Variants in EPB41L4A observed in about 807,000 individuals in gnomAD.
EPB41L4A encodes erythrocyte membrane protein band 4.1 like 4A, also known as band 4.1-like protein 4A.
A neutral mutation model predicts 108.6 loss-of-function variants in EPB41L4A; 100 were observed. The observed-to-expected ratio is 0.92, with a 90% CI of 0.78 to 1.09. EPB41L4A has a LOEUF of 1.09. Among genes scored for constraint, EPB41L4A ranks in the 50% least tolerant of loss-of-function variants. The probability of loss-of-function intolerance (pLI) is 0.00; values close to 1 mark genes in which losing one functional copy is unlikely to be tolerated. For missense variants in EPB41L4A, 1,030 were observed against 842.7 expected, an observed-to-expected ratio of 1.22 and a Z score of -2.75; for synonymous variants, 319 against 289.0, an observed-to-expected ratio of 1.10 and a Z score of -1.05.
chr5:112,212,077 T>C (rs1415810597), intron 12 of EPB41L4A, among the ~76,000 whole-genome samples: 1 of 152,156 alleles, frequency 6.6e-6, no homozygotes, highest in Non-Finnish European at 1.5e-5. Flanking sequence ...CCATCAAACG[T>C]CAGCAGTGGC....
At chr5:112,331,331 G>C (rs765096125) in intron 1 of EPB41L4A, among the ~76,000 whole-genome samples, 5 of 152,182 alleles carry the variant, frequency 3.3e-5, no homozygotes, top group African/African-American at 4.8e-5. Flanking sequence ...AGTTCTGCTG[G>C]TTTTACATAT....
At chr5:112,143,425 T>G (rs1441619696) in exon 14 of EPB41L4A, 3 of 152,418 alleles carry the variant, frequency 2.0e-5, no homozygotes, top group African/African-American at 7.2e-5. Flanking sequence ...AATGAAGTAA[T>G]AGTTCATGAC....
At chr5:112,251,806 C>A (rs908707639) in intron 9 of EPB41L4A, among the ~76,000 whole-genome samples, 1 of 151,964 alleles carries the variant, frequency 6.6e-6, no homozygotes, top group Non-Finnish European at 1.5e-5. Context: ...AAACAATAAA[C>A]CTCAGTAGAT....
At chr5:112,320,835 G>C (rs1755723530) in intron 1 of EPB41L4A, among the ~76,000 whole-genome samples, 4 of 152,166 alleles carry the variant, frequency 2.6e-5, no homozygotes. Context: ...CAGCTTCCCT[G>C]CTAAGTGGGA....
At chr5:112,170,835 G>T in intron 19 of EPB41L4A, 110 bp downstream of exon 19, 1 of 916,880 alleles carries the variant, frequency 1.1e-6, no homozygotes, top group Non-Finnish European at 1.7e-6. Flanking sequence ...AGTGGCAATG[G>T]CTTTGGCAGG....
intron 1 of EPB41L4A, among the ~76,000 whole-genome samples, chr5:112,366,039 G>A (rs1344413833): frequency 6.6e-6 from 1 of 152,074 alleles, no homozygotes; most frequent in Non-Finnish European, 1.5e-5. Context: ...GAGACTCTAC[G>A]CAATAGAAAA....
At chr5:112,271,487 T>C (rs1048564055) in intron 4 of EPB41L4A, among the ~76,000 whole-genome samples, 1 of 152,182 alleles carries the variant, frequency 6.6e-6, no homozygotes, top group Non-Finnish European at 1.5e-5. Context: ...ATGAAAAAAC[T>C]GAGACTTTAC....
chr5:112,247,739 T>C (rs1227864019), intron 9 of EPB41L4A, among the ~76,000 whole-genome samples: 1 of 152,152 alleles, frequency 6.6e-6, no homozygotes, highest in African/African-American at 2.4e-5. Flanking sequence ...CTTCCAAAAG[T>C]CTTGGAAGGA....
chr5:112,275,191 A>G, intron 4 of EPB41L4A, 135 bp downstream of exon 4: 1 of 1,115,450 alleles, frequency 9.0e-7, no homozygotes, highest in Non-Finnish European at 1.2e-6. Context: ...TTTAAATTTT[A>G]CCCTCTAAGG....
intron 2 of EPB41L4A, among the ~76,000 whole-genome samples, chr5:112,307,021 G>C (rs1246436837): frequency 6.6e-6 from 1 of 151,754 alleles, no homozygotes; most frequent in African/African-American, 2.4e-5. Context: ...TTCTTAAAAG[G>C]CAATTAATAT....
intron 1 of EPB41L4A, among the ~76,000 whole-genome samples, chr5:112,413,058 C>G (rs1762501301): frequency 6.6e-6 from 1 of 152,182 alleles, no homozygotes; most frequent in African/African-American, 2.4e-5. Context: ...AACCAACCAA[C>G]ATGGTTCTCA....
At chr5:112,311,079 T>C (rs1260862337) in intron 1 of EPB41L4A, among the ~76,000 whole-genome samples, 2 of 152,272 alleles carry the variant, frequency 1.3e-5, no homozygotes, top group Admixed American at 6.5e-5. Context: ...TGGTGTGATC[T>C]TGGCTCACTG....
At chr5:112,345,830 T>A (rs938497167) in intron 1 of EPB41L4A, among the ~76,000 whole-genome samples, 2 of 148,542 alleles carry the variant, frequency 1.3e-5, no homozygotes, top group Admixed American at 6.7e-5. Context: ...CACGCACACA[T>A]AAAGCCCCAG....
chr5:112,157,121 GAGTGCAA>G (rs1305603884), intron 12 of EPB41L4A, among the ~76,000 whole-genome samples: 17 of 151,044 alleles, frequency 1.1e-4, no homozygotes, highest in African/African-American at 4.1e-4. Flanking sequence ...ACAGAATAGA[GAGTGCAA>G]AGGTACATCC....
At chr5:112,387,572 T>C (rs537157174) in intron 1 of EPB41L4A, among the ~76,000 whole-genome samples, 5 of 152,170 alleles carry the variant, frequency 3.3e-5, no homozygotes, top group Admixed American at 3.3e-4. Context: ...GAGCTTGCAG[T>C]GAGCCGAAAT....
chr5:112,191,208 A>G (rs1761681956), intron 17 of EPB41L4A, among the ~76,000 whole-genome samples: 1 of 152,186 alleles, frequency 6.6e-6, no homozygotes, highest in South Asian at 2.1e-4. Context: ...AACATAAACG[A>G]TGTCCCAAAT....
chr5:112,181,676 G>A (rs1435420561), intron 18 of EPB41L4A, among the ~76,000 whole-genome samples: 1 of 152,194 alleles, frequency 6.6e-6, no homozygotes, highest in Admixed American at 6.5e-5. Context: ...CATGGATGAA[G>A]CTCAAAAACA....
At chr5:112,235,570 G>C (rs1279957562) in intron 11 of EPB41L4A, among the ~76,000 whole-genome samples, 1 of 152,148 alleles carries the variant, frequency 6.6e-6, no homozygotes, top group Non-Finnish European at 1.5e-5. Flanking sequence ...GAGGAAAAAA[G>C]TCTTTTAATG....
chr5:112,370,227 G>A (rs929702421), intron 1 of EPB41L4A, among the ~76,000 whole-genome samples: 1 of 150,148 alleles, frequency 6.7e-6, no homozygotes, highest in African/African-American at 2.5e-5. Context: ...TGTAAAGACA[G>A]GGTCTTGCCA....
Sources: gnomAD v4.1 joint callset for allele counts (sites outside exome capture counted in the v4.1 genomes callset) on GRCh38, gnomAD v4.1.1 for gene constraint, MANE v1.5 for transcripts, NCBI Gene and HGNC (gene_info 2026-07-23, HGNC 2026-07-21) for gene names.